The following CDK5RAP2 variants were observed in gnomAD, a reference collection of about 807,000 sequenced individuals.
CDK5RAP2 encodes CDK5 regulatory subunit associated protein 2.
A neutral mutation model predicts 232.9 loss-of-function variants in CDK5RAP2; 147 were observed. The ratio of observed to expected loss-of-function variants is 0.63; its 90% CI spans 0.55 to 0.72. The LOEUF (loss-of-function observed/expected upper bound fraction) is 0.72. Among genes scored for constraint, CDK5RAP2 ranks in the 30% least tolerant of loss-of-function variants. CDK5RAP2 has a pLI of 0.00. For synonymous variants in CDK5RAP2, 833 were observed against 833.7 expected, an observed-to-expected ratio of 1.00 and a Z score of 0.01; for missense variants, 2,195 against 2,231.5, an observed-to-expected ratio of 0.98 and a Z score of 0.33.
chr9:120,440,989 T>C (rs530147369), intron 23 of CDK5RAP2, among the ~76,000 whole-genome samples: 66 of 152,262 alleles, frequency 4.3e-4, no homozygotes, highest in African/African-American at 1.1e-3. Flanking sequence ...CCCTTAGAGA[T>C]GCAGTCAAAC....
intron 10 of CDK5RAP2, 65 bp downstream of exon 10, chr9:120,527,741 G>C: frequency 1.9e-6 from 3 of 1,582,908 alleles, no homozygotes; most frequent in Non-Finnish European, 2.6e-6. Flanking sequence ...TAAAAATTCA[G>C]GGTAGGACAG....
intron 10 of CDK5RAP2, among the ~76,000 whole-genome samples, chr9:120,527,351 GC>G (rs1376788182): frequency 6.6e-5 from 10 of 152,080 alleles, no homozygotes; most frequent in African/African-American, 1.9e-4. Context: ...GTCCAATGCG[GC>G]AGTCACTACC....
Position 120,407,153 on chromosome 9 carries a change from T to C in CDK5RAP2, c.4822A>G (p.Ser1608Gly), listed in dbSNP as rs372057183. The change falls in exon 32 of 38, where the codon AGC becomes GGC. Residue 1608 changes from serine to glycine, a missense_variant. By Grantham distance (56) the Ser-to-Gly change is moderately conservative. Coordinates refer to ENST00000349780, the MANE Select transcript of CDK5RAP2 (RefSeq NM_018249.6). ...TGCAGAGTGCTGCTGGTTTCGATGC[T>C]CCTTTCTAGTTGCAAGCGCAGAGCC... is the stretch of plus-strand genomic sequence containing the variant. ...IQALRLQLER[S>G]IETSSTLQSR... The C allele has an allele frequency of 2.7e-5, 43 of 1,613,950 alleles. No homozygotes were observed. The highest frequency in any genetic ancestry group is 3.3e-5 in the Non-Finnish European group (39 of 1,180,044).
chr9:120,395,542 CA>C (rs1225826978), intron 35 of CDK5RAP2, among the ~76,000 whole-genome samples: 2 of 152,234 alleles, frequency 1.3e-5, no homozygotes, highest in East Asian at 1.9e-4. Flanking sequence ...AACCAGCTCC[CA>C]GGGGGAAGGA....
At chr9:120,505,134 A>G (rs547516281) in intron 12 of CDK5RAP2, among the ~76,000 whole-genome samples, 1 of 152,252 alleles carries the variant, frequency 6.6e-6, no homozygotes, top group Non-Finnish European at 1.5e-5. Context: ...CAAGGTCTGC[A>G]GCAACCCTGC....
chr9:120,427,838 T>C (rs573061584), intron 25 of CDK5RAP2, among the ~76,000 whole-genome samples: 60 of 152,246 alleles, frequency 3.9e-4, no homozygotes, highest in Middle Eastern at 3.4e-3. Flanking sequence ...TATTCCAAAA[T>C]TGACCACATA....
At chr9:120,474,270 T>G (rs2037883302) in intron 15 of CDK5RAP2, among the ~76,000 whole-genome samples, 1 of 152,050 alleles carries the variant, frequency 6.6e-6, no homozygotes. Flanking sequence ...CAGAAGACAA[T>G]ATTTATGAGC....
Position 120,439,595 on chromosome 9 carries a change from G to C in CDK5RAP2, c.3526C>G (p.Gln1176Glu), listed in dbSNP as rs1258685903. 1 of 1,614,154 alleles carries C rather than the reference G, an allele frequency of 6.2e-7. No individual in the cohort carries two copies. The highest frequency in any genetic ancestry group is 1.7e-5 in the Admixed American group (1 of 60,026). ...TTCACGTGTTTCACGTATCGCACTTGGTGCAAACTTGAAAAGGTCATTTCT... is the reference window on the plus strand; with the variant it reads ...TTCACGTGTTTCACGTATCGCACTTCGTGCAAACTTGAAAAGGTCATTTCT... ...GEEMTFSSLH[Q>E]VRYVKHVKIL... The change falls in exon 24 of 38, where the codon CAA becomes GAA. Residue 1176 changes from glutamine to glutamate, a missense_variant. Physicochemically the swap from Gln to Glu is conservative, Grantham distance 29. Coordinates refer to ENST00000349780, the MANE Select transcript of CDK5RAP2 (RefSeq NM_018249.6).
chr9:120,414,901 G>C, intron 28 of CDK5RAP2, 139 bp downstream of exon 28: 1 of 947,920 alleles, frequency 1.1e-6, no homozygotes. Flanking sequence ...CAGGATGCCA[G>C]AGGCTGGCAG....
intron 21 of CDK5RAP2, among the ~76,000 whole-genome samples, chr9:120,450,397 A>G (rs531475050): frequency 6.6e-6 from 1 of 152,292 alleles, no homozygotes; most frequent in East Asian, 1.9e-4. Context: ...AATGAGTACA[A>G]GGTTTCTTTT....
At chr9:120,467,090 T>C (rs1431544676) in intron 18 of CDK5RAP2, among the ~76,000 whole-genome samples, 1 of 152,212 alleles carries the variant, frequency 6.6e-6, no homozygotes, top group Non-Finnish European at 1.5e-5. Context: ...TTCAGGGTCC[T>C]CCCATTGTGC....
At chr9:120,555,135 T>G (rs12342858) in intron 3 of CDK5RAP2, among the ~76,000 whole-genome samples, 885 of 55,918 alleles carry the variant, frequency 0.016, 30 homozygotes, top group Admixed American at 0.1. Flanking sequence ...TAAATTTTTT[T>G]GGGGGGGGGT....
At chr9:120,405,074 C>T (rs927330778) in intron 32 of CDK5RAP2, among the ~76,000 whole-genome samples, 4 of 152,114 alleles carry the variant, frequency 2.6e-5, no homozygotes, top group Non-Finnish European at 5.9e-5. Context: ...CACCACTGGG[C>T]GGTGGGCTGA....
At chr9:120,438,802 T>A (rs917173567) in intron 24 of CDK5RAP2, among the ~76,000 whole-genome samples, 4 of 152,196 alleles carry the variant, frequency 2.6e-5, no homozygotes, top group Non-Finnish European at 5.9e-5. Flanking sequence ...TTGACTCAAA[T>A]TAGTGACAAA....
intron 25 of CDK5RAP2, among the ~76,000 whole-genome samples, chr9:120,436,457 C>G (rs888441810): frequency 6.6e-6 from 1 of 152,154 alleles, no homozygotes; most frequent in Non-Finnish European, 1.5e-5. Context: ...TCATAAAAGA[C>G]ATTATTGAAT....
intron 25 of CDK5RAP2, among the ~76,000 whole-genome samples, chr9:120,423,640 C>T (rs1336127133): frequency 1.3e-5 from 2 of 152,218 alleles, no homozygotes; most frequent in African/African-American, 4.8e-5. Context: ...AAAAATACTT[C>T]AGAACCCTGG....
intron 34 of CDK5RAP2, among the ~76,000 whole-genome samples, chr9:120,401,627 AAAAAAAG>A (rs2033022124): frequency 6.6e-6 from 1 of 150,972 alleles, no homozygotes; most frequent in African/African-American, 2.4e-5. Context: ...AAAAAAAAAA[AAAAAAAG>A]AGAGAAAAAA....
At chr9:120,568,207 CT>C (rs1396134879) in intron 3 of CDK5RAP2, 113 bp downstream of exon 3, 26 of 830,604 alleles carry the variant, frequency 3.1e-5, no homozygotes, top group Non-Finnish European at 4.7e-5. Flanking sequence ...TGGCACCCCC[CT>C]GCCTCTGGCA....
intron 32 of CDK5RAP2, among the ~76,000 whole-genome samples, chr9:120,405,090 C>G (rs537644983): frequency 1.1e-4 from 17 of 152,312 alleles, no homozygotes; most frequent in African/African-American, 3.8e-4. Flanking sequence ...GCTGACTGCA[C>G]TCCAGCATTT....
Sources: gnomAD v4.1 joint callset for allele counts (sites outside exome capture counted in the v4.1 genomes callset) on GRCh38, gnomAD v4.1.1 for gene constraint, MANE v1.5 for transcripts, NCBI Gene and HGNC (gene_info 2026-07-23, HGNC 2026-07-21) for gene names.